The following ST6GALNAC3 variants were observed in gnomAD, a reference collection of about 807,000 sequenced individuals.
ST6GALNAC3 encodes the protein ST6 N-acetylgalactosaminide alpha-2,6-sialyltransferase 3.
ST6GALNAC3 carries 25 observed loss-of-function variants against 32.7 expected under a neutral mutation model. That is an observed-to-expected ratio of 0.76 (90% CI 0.56 to 1.07). ST6GALNAC3 has a LOEUF of 1.07. ST6GALNAC3 is among the 50% of genes least tolerant of loss of function. The probability of loss-of-function intolerance (pLI) is 0.00; values close to 1 mark genes in which losing one functional copy is unlikely to be tolerated. For synonymous variants in ST6GALNAC3, 129 were observed against 133.1 expected (o/e 0.97, Z 0.21); for missense variants, 355 against 382.4 (o/e 0.93, Z 0.60).
At chr1:76,542,744 G>A (rs1010645224) in intron 3 of ST6GALNAC3, among the ~76,000 whole-genome samples, 4 of 152,086 alleles carry the variant, frequency 2.6e-5, no homozygotes, top group Non-Finnish European at 4.4e-5. Context: ...CATTATAAAG[G>A]AGAGCCATAA....
chr1:76,560,483 T>A (rs1167125258), intron 3 of ST6GALNAC3, among the ~76,000 whole-genome samples: 1 of 152,118 alleles, frequency 6.6e-6, no homozygotes, highest in Non-Finnish European at 1.5e-5. Context: ...AACAACTCCA[T>A]AGGAAAAAAT....
chr1:76,390,933 T>C lies in ST6GALNAC3; in HGVS notation c.214-21075T>C, dbSNP rs1023935817. On this transcript the variant is annotated intron_variant, in intron 2 of 4. Transcript: ENST00000328299. ...TTACCTCCAATTATTAAAATGCTTA[T>C]ATATATATATGTATTTTTTTTTTTG... Among the ~76,000 whole-genome samples the C allele has an allele frequency of 1.9e-4, 16 of 86,348 alleles. 1 individual carries two copies. Among genetic ancestry groups the C allele is most frequent in the Non-Finnish European group, 4.4e-4 (15 of 33,742 alleles). The allele number at this position is 86,348 out of a possible 152,430, so 56.6% of individuals were successfully genotyped here.
At chr1:76,464,372 A>G (rs1178053298) in intron 3 of ST6GALNAC3, among the ~76,000 whole-genome samples, 1 of 152,142 alleles carries the variant, frequency 6.6e-6, no homozygotes, top group East Asian at 1.9e-4. Flanking sequence ...CTCAATAACT[A>G]TTTATAACTG....
At chr1:76,153,994 C>T in intron 1 of ST6GALNAC3, among the ~76,000 whole-genome samples, 1 of 152,150 alleles carries the variant, frequency 6.6e-6, no homozygotes, top group East Asian at 1.9e-4. Flanking sequence ...GTTGCCTGTC[C>T]CGCCGTCTGT....
intron 3 of ST6GALNAC3, among the ~76,000 whole-genome samples, chr1:76,421,518 CTT>C (rs1017553738): frequency 3.3e-5 from 5 of 152,002 alleles, no homozygotes; most frequent in African/African-American, 1.2e-4. Flanking sequence ...AAGTTATACT[CTT>C]GGGCTTCAGG....
Position 76,627,446 on chromosome 1 carries a change from C to A in ST6GALNAC3, c.624-6C>A. 6.3e-7 allele frequency: 1 copy of A among 1,590,542 alleles called. No individual in the cohort carries two copies. Among genetic ancestry groups the A allele is most frequent in the Non-Finnish European group, 8.6e-7 (1 of 1,159,692 alleles). ...GTTTGTTATTGTTTGTTTTCATTTCCCTCAGAGTCCAGTCTGGCTCATATC... is the reference window on the plus strand; with the variant it reads ...GTTTGTTATTGTTTGTTTTCATTTCACTCAGAGTCCAGTCTGGCTCATATC... On this transcript the variant is annotated splice_polypyrimidine_tract_variant and splice_region_variant and intron_variant, in intron 3 of 4. Coordinates refer to ENST00000328299, the MANE Select transcript of ST6GALNAC3 (RefSeq NM_152996.4).
chr1:76,307,278 T>A (rs1457167719), intron 1 of ST6GALNAC3, among the ~76,000 whole-genome samples: 2 of 152,114 alleles, frequency 1.3e-5, no homozygotes, highest in African/African-American at 4.8e-5. Flanking sequence ...ACACCCAGAT[T>A]TTTGATTCAA....
intron 3 of ST6GALNAC3, among the ~76,000 whole-genome samples, chr1:76,449,931 C>T (rs1657269728): frequency 6.6e-6 from 1 of 152,170 alleles, no homozygotes; most frequent in African/African-American, 2.4e-5. Context: ...ACAGTGTACA[C>T]TGAACACAAT....
intron 1 of ST6GALNAC3, among the ~76,000 whole-genome samples, chr1:76,302,457 T>C (rs1205398582): frequency 6.6e-6 from 1 of 152,038 alleles, no homozygotes; most frequent in Non-Finnish European, 1.5e-5. Flanking sequence ...GCTAAGGGAA[T>C]AGCTGTTTGG....
intron 2 of ST6GALNAC3, among the ~76,000 whole-genome samples, chr1:76,321,577 A>G (rs987266188): frequency 1.3e-5 from 2 of 152,206 alleles, no homozygotes; most frequent in East Asian, 1.9e-4. Flanking sequence ...ACAAGGTGCC[A>G]TCTGAAGGAG....
At chr1:76,181,907 T>G (rs1161179546) in intron 1 of ST6GALNAC3, among the ~76,000 whole-genome samples, 1 of 152,164 alleles carries the variant, frequency 6.6e-6, no homozygotes, top group East Asian at 1.9e-4. Flanking sequence ...TGGAGGCAGA[T>G]TTGCATGATT....
intron 3 of ST6GALNAC3, among the ~76,000 whole-genome samples, chr1:76,495,827 T>C (rs1054554021): frequency 2.6e-5 from 4 of 152,142 alleles, no homozygotes; most frequent in African/African-American, 7.2e-5. Context: ...CAGAACGAAA[T>C]GGTAAATCAA....
At chr1:76,112,722 C>T (rs1320573647) in intron 1 of ST6GALNAC3, among the ~76,000 whole-genome samples, 1 of 151,538 alleles carries the variant, frequency 6.6e-6, no homozygotes. Flanking sequence ...GGCAGAGACG[C>T]TCCTCACATC....
At chr1:76,545,649 T>C (rs964430303) in intron 3 of ST6GALNAC3, among the ~76,000 whole-genome samples, 3 of 123,278 alleles carry the variant, frequency 2.4e-5, no homozygotes, top group African/African-American at 9.0e-5. Flanking sequence ...TGCTAAGAGA[T>C]GAAGAAACTT....
intron 3 of ST6GALNAC3, among the ~76,000 whole-genome samples, chr1:76,486,669 C>T (rs966610637): frequency 2.6e-5 from 4 of 152,146 alleles, no homozygotes; most frequent in Non-Finnish European, 5.9e-5. Flanking sequence ...TGAGTCTTGA[C>T]TCTTTATCCA....
At chr1:76,554,413 A>T (rs1022684150) in intron 3 of ST6GALNAC3, among the ~76,000 whole-genome samples, 6 of 152,106 alleles carry the variant, frequency 3.9e-5, no homozygotes, top group African/African-American at 1.4e-4. Context: ...CTCAGCTTCA[A>T]AAAAAACCCC....
At chr1:76,227,470 C>G (rs933470390) in intron 1 of ST6GALNAC3, among the ~76,000 whole-genome samples, 8 of 152,124 alleles carry the variant, frequency 5.3e-5, no homozygotes, top group African/African-American at 1.9e-4. Flanking sequence ...ATTTATCTAC[C>G]TTTGTATCTT....
At chr1:76,111,433 T>G (rs1647929660) in intron 1 of ST6GALNAC3, among the ~76,000 whole-genome samples, 1 of 137,764 alleles carries the variant, frequency 7.3e-6, no homozygotes, top group Non-Finnish European at 1.5e-5. Flanking sequence ...AATGACATTT[T>G]TTTTTTTCAT....
At chr1:76,149,893 C>T (rs968048317) in intron 1 of ST6GALNAC3, among the ~76,000 whole-genome samples, 1 of 152,142 alleles carries the variant, frequency 6.6e-6, no homozygotes, top group Admixed American at 6.6e-5. Context: ...TTGTTTTGCA[C>T]GTTGCTAGAT....
Sources: gnomAD v4.1 joint callset for allele counts (sites outside exome capture counted in the v4.1 genomes callset) on GRCh38, gnomAD v4.1.1 for gene constraint, MANE v1.5 for transcripts, NCBI Gene and HGNC (gene_info 2026-07-23, HGNC 2026-07-21) for gene names.